Variants in RITA1 observed in about 807,000 individuals in gnomAD.
The protein encoded by RITA1 is RBPJ-interacting and tubulin-associated protein 1.
A neutral mutation model predicts 8.7 loss-of-function variants in RITA1; 15 were observed. The ratio of observed to expected loss-of-function variants is 1.72; its 90% CI spans 1.15 to 2.65. RITA1 has a LOEUF of 2.65. Ranked by LOEUF, RITA1 falls within the 30% of genes most tolerant of loss-of-function variation. The pLI, the probability that RITA1 is intolerant of heterozygous loss-of-function variation, is 0.00. For synonymous variants in RITA1, 145 were observed against 156.2 expected (o/e 0.93, Z 0.53); for missense variants, 330 against 363.8 (o/e 0.91, Z 0.76).
chr12:113,191,314 A>G lies in RITA1; in HGVS notation c.307A>G (p.Ile103Val). 1.3e-6 allele frequency: 2 copies of G among 1,517,622 alleles called. No individual in the cohort carries two copies. The highest frequency in any genetic ancestry group is 1.8e-6 in the Non-Finnish European group (2 of 1,131,206). 94.0% of individuals were successfully genotyped at this position (1,517,622 alleles called of 1,614,324 possible). A position where few individuals can be genotyped will look rare whatever the true frequency, so the allele number is the denominator to read the frequency against. Residue 103 changes from isoleucine to valine, a missense_variant, in exon 4 of 4, where the codon ATC becomes GTC. Transcript: ENST00000548278. This position sits in a 1 kb window ranked among gnomAD's most constrained non-coding sequence, Gnocchi z 4.0. ...CGTTTATCTTCCATTTGCCAGACCC[A>G]TCAGCCACACCCCGTCTTACTGTGA... The part of the protein sequence containing the change: ...TPRKKNKYRP[I>V]SHTPSYCDES...
At chr12:113,186,504 T>A (rs1489965809) in intron 2 of RITA1, among the ~76,000 whole-genome samples, 179 bp from the exon 3 acceptor site, 6 of 152,128 alleles carry the variant, frequency 3.9e-5, no homozygotes, top group African/African-American at 1.4e-4. Flanking sequence ...TCACCACCAT[T>A]ATGACAACTA....
At position 113,186,078 on chromosome 12, in the gene RITA1, A is replaced by T. The variant is rs1046023130; in HGVS notation, c.-197+57A>T. ...CGGGCACTTTTTAATCGGGTCATTGATTTGGGAGTCGCAGAATGTGGGGCG... is the reference window on the plus strand; with the variant it reads ...CGGGCACTTTTTAATCGGGTCATTGTTTTGGGAGTCGCAGAATGTGGGGCG... On this transcript the variant is annotated intron_variant, in intron 1 of 3. Transcript: ENST00000548278. 59 of 1,535,318 alleles carry T rather than the reference A, an allele frequency of 3.8e-5. No homozygotes were observed. The African/African-American group carries it at 7.7e-4, about 20-fold the overall frequency.
Position 113,191,849 on chromosome 12 carries a change from C to A in RITA1, c.*32C>A. The A allele has an allele frequency of 6.4e-7, 1 of 1,561,118 alleles. No homozygotes were observed. The highest frequency in any genetic ancestry group is 1.8e-5 in the Admixed American group (1 of 54,548). ...TTCATCAGGGTTGCCTATGGGGCCA[C>A]GGCGACAGGTATGGCCCCTTGCCAG... is the stretch of plus-strand genomic sequence containing the variant. On this transcript the variant is annotated 3_prime_UTR_variant, in exon 4 of 4. Transcript: ENST00000548278. The surrounding 1 kb of genome is among the most constrained non-coding windows in gnomAD (Gnocchi z 4.0).
chr12:113,191,988 C>A lies in RITA1; in HGVS notation c.*171C>A. 4.7e-6 allele frequency: 4 copies of A among 850,240 alleles called. No individual in the cohort carries two copies. The highest frequency in any genetic ancestry group is 6.9e-6 in the Non-Finnish European group (4 of 575,990). The allele number at this position is 850,240 out of a possible 1,614,324, so 52.7% of individuals were successfully genotyped here. ...TCCCTTTATCCTGACAATCTCTAGT[C>A]GATTCTTGCCTTTTTCTCCCGATTG... On this transcript the variant is annotated 3_prime_UTR_variant, in exon 4 of 4. Coordinates refer to ENST00000548278, the MANE Select transcript of RITA1 (RefSeq NM_032848.3). This position sits in a 1 kb window ranked among gnomAD's most constrained non-coding sequence, Gnocchi z 4.0.
chr12:113,187,110 C>G (rs1250210236), intron 3 of RITA1, 62 bp downstream of exon 3: 12 of 1,453,420 alleles, frequency 8.3e-6, no homozygotes, highest in Non-Finnish European at 1.1e-5. Context: ...CCAGTTACAG[C>G]TCTGGTGTTC....
At position 113,191,127 on chromosome 12, in the gene RITA1, C is replaced by G. The variant is rs1375396152; in HGVS notation, c.303-183C>G. ...TTTCGCAGGGAAAATCAGCAGAGAC[C>G]GGGGGCAGTGGTGCTTAAGAGGCTG... On this transcript the variant is annotated intron_variant, in intron 3 of 3. Coordinates refer to ENST00000548278, the MANE Select transcript of RITA1 (RefSeq NM_032848.3). The surrounding 1 kb of genome is among the most constrained non-coding windows in gnomAD (Gnocchi z 4.0). 1.3e-5 allele frequency among the ~76,000 whole-genome samples: 2 copies of G among 152,070 alleles called. No individual in the cohort carries two copies. The highest frequency in any genetic ancestry group is 6.6e-5 in the Admixed American group (1 of 15,266).
In RITA1 at chr12:113,186,888, A is replaced by T; in HGVS notation, c.142A>T (p.Thr48Ser). 1 of 1,614,062 alleles carries T rather than the reference A, an allele frequency of 6.2e-7. No individual in the cohort carries two copies. Among genetic ancestry groups the T allele is most frequent in the Non-Finnish European group, 8.5e-7 (1 of 1,180,014 alleles). ...TGGCAGCCCAGCAGGCACCCGGCCT[A>T]CCCCACCGGACTTCGATCCGCCCTG... The part of the protein sequence containing the change: ...LFGSPAGTRP[T>S]PPDFDPPWVE... Residue 48 changes from threonine (T) to serine (S), a missense_variant, in exon 3 of 4, where the codon ACC becomes TCC. Transcript: ENST00000548278.
At position 113,191,424 on chromosome 12, in the gene RITA1, T is replaced by C; in HGVS notation, c.417T>C (p.Ala139=). 1 of 1,609,576 alleles carries C rather than the reference T, an allele frequency of 6.2e-7. No individual in the cohort carries two copies. The highest frequency in any genetic ancestry group is 8.5e-7 in the Non-Finnish European group (1 of 1,177,016). ...AGGGGGATGCCGCAAAGCTCCGTGC[T>C]CTCTTGTGGACGCCACCACCTACCC... ...MAKGDAAKLR[A]LLWTPPPTPR... The change falls in exon 4 of 4, where the codon GCT becomes GCC. Residue 139 remains alanine (A), a synonymous_variant. Coordinates refer to ENST00000548278, the MANE Select transcript of RITA1 (RefSeq NM_032848.3). The surrounding 1 kb of genome is among the most constrained non-coding windows in gnomAD (Gnocchi z 4.0).
In RITA1 at chr12:113,187,013, C is replaced by G; in HGVS notation, c.267C>G (p.Thr89=). ...SCETTPSRGS[T]PTLTPRKKNK... is the part of the protein sequence containing the mutation. ...AGACCACCCCCTCAAGGGGCAGCAC[C>G]CCCACCCTCACACCAAGGAAGAAGA... Residue 89 remains threonine, a synonymous_variant, in exon 3 of 4, where the codon ACC becomes ACG. Transcript: ENST00000548278. 1 of 1,607,734 alleles carries G rather than the reference C, an allele frequency of 6.2e-7. No homozygotes were observed. Among genetic ancestry groups the G allele is most frequent in the East Asian group, 2.2e-5 (1 of 44,696 alleles).
At chr12:113,189,733 A>T (rs1387042874) in intron 3 of RITA1, among the ~76,000 whole-genome samples, 3 of 86,010 alleles carry the variant, frequency 3.5e-5, no homozygotes, top group Non-Finnish European at 5.1e-5. Context: ...TCTGTTGAAT[A>T]AAAAAAAAAA....
intron 3 of RITA1, among the ~76,000 whole-genome samples, chr12:113,188,399 G>A (rs1952560540): frequency 6.6e-6 from 1 of 151,954 alleles, no homozygotes; most frequent in Non-Finnish European, 1.5e-5. Context: ...AGTAGAGACG[G>A]GGTTTCTCCA....
In RITA1 at chr12:113,191,418, C is replaced by T. The variant is rs774617677; in HGVS notation, c.411C>T (p.Leu137=). The T allele has an allele frequency of 1.9e-6, 3 of 1,609,978 alleles. No homozygotes were observed. The East Asian group carries it at 6.7e-5, about 36-fold the overall frequency. Residue 137 remains leucine, a synonymous_variant, in exon 4 of 4, where the codon CTC becomes CTT. Coordinates refer to ENST00000548278, the MANE Select transcript of RITA1 (RefSeq NM_032848.3). The surrounding 1 kb of genome is among the most constrained non-coding windows in gnomAD (Gnocchi z 4.0). ...TGGCGAAGGGGGATGCCGCAAAGCT[C>T]CGTGCTCTCTTGTGGACGCCACCAC... ...PRMAKGDAAK[L]RALLWTPPPT...
rs1261281464 is a variant in RITA1, at chr12:113,186,739, C to T, written c.-8C>T. 4 of 1,611,634 alleles carry T rather than the reference C, an allele frequency of 2.5e-6. No homozygotes were observed. ...GCACACCTGCTGTCACCAGGGACCA[C>T]AGGCAGCATGAAGACCCCCGTGGAG... is the stretch of plus-strand genomic sequence containing the variant. On this transcript the variant is annotated 5_prime_UTR_variant, in exon 3 of 4. An upstream open reading frame in the 5' UTR gains an earlier in-frame stop. Transcript: ENST00000548278.
chr12:113,188,934 C>T (rs969453388), intron 3 of RITA1, among the ~76,000 whole-genome samples: 1 of 150,590 alleles, frequency 6.6e-6, no homozygotes, highest in Non-Finnish European at 1.5e-5. Context: ...CTCAGCCTCC[C>T]GAGTAGCTGG....
chr12:113,191,228 T>C lies in RITA1; in HGVS notation c.303-82T>C, dbSNP rs1952596787. 6 of 1,469,862 alleles carry C rather than the reference T, an allele frequency of 4.1e-6. No individual in the cohort carries two copies. Among genetic ancestry groups the C allele is most frequent in the Non-Finnish European group, 5.4e-6 (6 of 1,114,564 alleles). 91.1% of individuals were successfully genotyped at this position (1,469,862 alleles called of 1,614,324 possible). ...AGGCAACCCTCCTCTGCTGCTGCCA[T>C]CCCAGGGTGGGTGGGAGAGCTGTTA... On this transcript the variant is annotated intron_variant, in intron 3 of 3. Transcript: ENST00000548278. This position sits in a 1 kb window ranked among gnomAD's most constrained non-coding sequence, Gnocchi z 4.0.
At chr12:113,188,465 C>T (rs773630265) in intron 3 of RITA1, among the ~76,000 whole-genome samples, 18 of 152,028 alleles carry the variant, frequency 1.2e-4, no homozygotes, top group Non-Finnish European at 1.6e-4. Flanking sequence ...CCTTGGCCTC[C>T]CGAAGTGCTG....
In RITA1 at chr12:113,186,941, C is replaced by T. The variant is rs142717696; in HGVS notation, c.195C>T (p.Gly65=). ...TGGAGAAGGCTAACAGAACCAGAGG[C>T]GTGGGCAAGGAGGCATCGAAGGCCT... ...PWVEKANRTR[G]VGKEASKALG... The change falls in exon 3 of 4, where the codon GGC becomes GGT. Residue 65 remains glycine, a synonymous_variant. Coordinates refer to ENST00000548278, the MANE Select transcript of RITA1 (RefSeq NM_032848.3). The T allele has an allele frequency of 1.9e-6, 3 of 1,613,938 alleles. No homozygotes were observed. Among genetic ancestry groups the T allele is most frequent in the East Asian group, 2.2e-5 (1 of 44,900 alleles).
At chr12:113,187,740 G>A (rs537296748) in intron 3 of RITA1, among the ~76,000 whole-genome samples, 12 of 120,236 alleles carry the variant, frequency 1.0e-4, no homozygotes, top group South Asian at 2.7e-4. Flanking sequence ...CTGAGTGACA[G>A]AGTGAGACCC....
rs767044077 is a variant in RITA1, at chr12:113,186,882, C to T, written c.136C>T (p.Arg46Trp). ...TCTGTTTGGCAGCCCAGCAGGCACC[C>T]GGCCTACCCCACCGGACTTCGATCC... ...ETLFGSPAGT[R>W]PTPPDFDPPW... Residue 46 changes from arginine (R) to tryptophan (W), a missense_variant, in exon 3 of 4, where the codon CGG becomes TGG. Coordinates refer to ENST00000548278, the MANE Select transcript of RITA1 (RefSeq NM_032848.3). 38 of 1,613,930 alleles carry T rather than the reference C, an allele frequency of 2.4e-5. No individual in the cohort carries two copies. Among genetic ancestry groups the T allele is most frequent in the Non-Finnish European group, 3.1e-5 (36 of 1,180,028 alleles).
Sources: allele counts gnomAD v4.1 joint callset (sites outside exome capture counted in the v4.1 genomes callset), GRCh38; gene constraint gnomAD v4.1.1; non-coding constraint Gnocchi (gnomAD v3.1); transcripts MANE v1.5; gene names NCBI Gene and HGNC (gene_info 2026-07-23, HGNC 2026-07-21).